Variants in SCYL2 observed in about 807,000 individuals in gnomAD.
SCYL2 encodes the protein SCY1-like protein 2.
A neutral mutation model predicts 100.4 loss-of-function variants in SCYL2; 36 were observed. The ratio of observed to expected loss-of-function variants is 0.36; its 90% CI spans 0.27 to 0.47. The LOEUF is 0.47. Ranked by LOEUF, SCYL2 falls within the 20% of genes least tolerant of loss-of-function variation. SCYL2 has a pLI of 1.00. For synonymous variants in SCYL2, 330 were observed against 359.2 expected (o/e 0.92, Z 0.92); for missense variants, 902 against 1,083.9 (o/e 0.83, Z 2.36).
intron 2 of SCYL2, among the ~76,000 whole-genome samples, chr12:100,286,069 A>T (rs1349512499): frequency 6.6e-6 from 1 of 152,140 alleles, no homozygotes; most frequent in African/African-American, 2.4e-5. Flanking sequence ...CAAGGCTGCT[A>T]ATTTGTTTAA....
chr12:100,294,404 C>T (rs1210340211), intron 3 of SCYL2, among the ~76,000 whole-genome samples: 33 of 117,666 alleles, frequency 2.8e-4, no homozygotes, highest in Non-Finnish European at 3.7e-4. Flanking sequence ...ACCTCCCTCC[C>T]GGACGGGGCG....
chr12:100,319,860 C>G (rs2096353676), intron 10 of SCYL2, among the ~76,000 whole-genome samples: 1 of 152,194 alleles, frequency 6.6e-6, no homozygotes, highest in African/African-American at 2.4e-5. Context: ...AATAAGAAAT[C>G]TTTTCCTCCA....
At chr12:100,293,554 C>A (rs1189582673) in intron 3 of SCYL2, among the ~76,000 whole-genome samples, 2 of 149,698 alleles carry the variant, frequency 1.3e-5, no homozygotes, top group African/African-American at 4.9e-5. Flanking sequence ...TTTTATTGAT[C>A]ATTCTTGGGT....
At chr12:100,301,513 AT>A (rs1251212334) in intron 4 of SCYL2, among the ~76,000 whole-genome samples, 2 of 152,044 alleles carry the variant, frequency 1.3e-5, no homozygotes, top group Non-Finnish European at 2.9e-5. Context: ...ATGTGATCCC[AT>A]TTGTCCGTTT....
intron 14 of SCYL2, 160 bp from the exon 15 acceptor site, chr12:100,335,465 C>A: frequency 1.8e-6 from 1 of 547,186 alleles, no homozygotes; most frequent in Non-Finnish European, 3.2e-6. Context: ...ATTTTTGGGG[C>A]AAGCAGACAT....
chr12:100,298,674 C>A (rs1052538940), intron 4 of SCYL2, among the ~76,000 whole-genome samples: 2 of 152,166 alleles, frequency 1.3e-5, no homozygotes, highest in African/African-American at 4.8e-5. Context: ...ACTTCCACCT[C>A]CCAGGTTCAA....
intron 1 of SCYL2, among the ~76,000 whole-genome samples, chr12:100,279,805 T>A (rs1344217577): frequency 6.6e-6 from 1 of 152,248 alleles, no homozygotes; most frequent in Non-Finnish European, 1.5e-5. Flanking sequence ...ACTATTCAAC[T>A]GATAGCTCTC....
chr12:100,273,734 T>C (rs771239113), intron 1 of SCYL2, among the ~76,000 whole-genome samples: 1 of 152,166 alleles, frequency 6.6e-6, no homozygotes, highest in Non-Finnish European at 1.5e-5. Flanking sequence ...GAATACTCCT[T>C]CCCCCCTTAC....
chr12:100,327,359 A>G (rs1251655058), intron 12 of SCYL2: 1 of 159,872 alleles, frequency 6.3e-6, no homozygotes, highest in Non-Finnish European at 1.4e-5. Flanking sequence ...ATAATTACAA[A>G]TTACTAAGAA....
chr12:100,332,597 C>T (rs896472504), intron 13 of SCYL2, among the ~76,000 whole-genome samples: 1 of 152,094 alleles, frequency 6.6e-6, no homozygotes, highest in African/African-American at 2.4e-5. Context: ...CTAAACTATG[C>T]TGCTAGAAGT....
At chr12:100,324,890 C>T (rs1416995135) in intron 11 of SCYL2, among the ~76,000 whole-genome samples, 2 of 152,034 alleles carry the variant, frequency 1.3e-5, no homozygotes, top group African/African-American at 4.8e-5. Flanking sequence ...TACTATGTAC[C>T]TTATTTTATG....
intron 2 of SCYL2, among the ~76,000 whole-genome samples, chr12:100,286,567 A>G (rs900732085): frequency 2.0e-5 from 3 of 151,986 alleles, no homozygotes; most frequent in African/African-American, 7.2e-5. Flanking sequence ...GCTTCATAAC[A>G]CCTCCCTGAA....
At chr12:100,318,920 TTGTC>T (rs2096352513) in intron 10 of SCYL2, among the ~76,000 whole-genome samples, 1 of 152,208 alleles carries the variant, frequency 6.6e-6, no homozygotes, top group South Asian at 2.1e-4. Context: ...TATGAGTTCT[TTGTC>T]TGAAAGAAAT....
At chr12:100,311,529 A>G (rs1004814531) in intron 5 of SCYL2, among the ~76,000 whole-genome samples, 3 of 152,096 alleles carry the variant, frequency 2.0e-5, no homozygotes, top group Admixed American at 6.6e-5. Context: ...TTTAGGGAGC[A>G]TAATAATAGC....
intron 2 of SCYL2, among the ~76,000 whole-genome samples, chr12:100,287,177 C>T (rs1371531903): frequency 6.6e-6 from 1 of 152,178 alleles, no homozygotes; most frequent in East Asian, 1.9e-4. Flanking sequence ...AATCGAGACA[C>T]ATTACTATAA....
chr12:100,292,254 T>C (rs1013073619), intron 3 of SCYL2, among the ~76,000 whole-genome samples: 11 of 152,226 alleles, frequency 7.2e-5, no homozygotes, highest in African/African-American at 2.7e-4. Context: ...ATAAACCTTT[T>C]CGACATTACT....
At chr12:100,271,040 A>C (rs964079906) in intron 1 of SCYL2, among the ~76,000 whole-genome samples, 2 of 152,098 alleles carry the variant, frequency 1.3e-5, no homozygotes, top group African/African-American at 4.8e-5. Flanking sequence ...TGTAATTGTA[A>C]AGAGAATGAT....
chr12:100,305,062 T>G (rs981252148), intron 4 of SCYL2, among the ~76,000 whole-genome samples: 2 of 152,156 alleles, frequency 1.3e-5, no homozygotes, highest in Non-Finnish European at 2.9e-5. Context: ...GTGGGTGACT[T>G]TAACAGCCCA....
intron 2 of SCYL2, among the ~76,000 whole-genome samples, chr12:100,283,408 A>C (rs894587773): frequency 2.6e-5 from 4 of 152,216 alleles, no homozygotes; most frequent in African/African-American, 9.6e-5. Context: ...TAAACATGTC[A>C]GTTGAGCAAA....
Sources: allele counts gnomAD v4.1 joint callset (sites outside exome capture counted in the v4.1 genomes callset), GRCh38; gene constraint gnomAD v4.1.1; transcripts MANE v1.5; gene names NCBI Gene and HGNC (gene_info 2026-07-23, HGNC 2026-07-21).